The following CSMD1 variants were observed in gnomAD, a reference collection of about 807,000 sequenced individuals.
CSMD1 encodes CUB and Sushi multiple domains 1.
In CSMD1, 213 loss-of-function variants were observed where a neutral mutation model predicts 417.5. The ratio of observed to expected loss-of-function variants is 0.51; its 90% CI spans 0.46 to 0.57. The LOEUF is 0.57. Among genes scored for constraint, CSMD1 ranks in the 20% least tolerant of loss-of-function variants. The probability of loss-of-function intolerance (pLI) is 0.00; values close to 1 mark genes in which losing one functional copy is unlikely to be tolerated. For synonymous variants in CSMD1, 2,862 were observed against 1,736.8 expected (o/e 1.65, Z -16.11); for missense variants, 6,923 against 4,529.7 (o/e 1.53, Z -15.17).
intron 7 of CSMD1, among the ~76,000 whole-genome samples, chr8:3,672,673 C>T (rs958779225): frequency 6.6e-6 from 1 of 152,192 alleles, no homozygotes; most frequent in African/African-American, 2.4e-5. Flanking sequence ...CACTGGGCAT[C>T]TGTTCCCAAG....
At chr8:3,759,381 G>C (rs1797861727) in intron 5 of CSMD1, among the ~76,000 whole-genome samples, 2 of 152,092 alleles carry the variant, frequency 1.3e-5, no homozygotes, top group African/African-American at 4.8e-5. Context: ...ACTGAATCCA[G>C]GCAGTTTAAA....
intron 5 of CSMD1, among the ~76,000 whole-genome samples, chr8:3,988,428 A>C (rs1047355327): frequency 2.6e-5 from 4 of 152,226 alleles, no homozygotes; most frequent in Admixed American, 2.0e-4. Context: ...TGTGTTTGTC[A>C]AATATGTACG....
intron 2 of CSMD1, among the ~76,000 whole-genome samples, chr8:4,550,262 G>C (rs759363017): frequency 4.8e-4 from 72 of 151,506 alleles, no homozygotes; most frequent in Non-Finnish European, 4.1e-4. Flanking sequence ...TTCCATGGTT[G>C]TGGTTTCACG....
At chr8:4,306,008 T>A (rs1340809798) in intron 3 of CSMD1, among the ~76,000 whole-genome samples, 3 of 152,200 alleles carry the variant, frequency 2.0e-5, no homozygotes, top group Non-Finnish European at 4.4e-5. Context: ...TTGTGCAATA[T>A]TATACTCGGT....
intron 3 of CSMD1, among the ~76,000 whole-genome samples, chr8:4,211,827 A>G (rs1800329649): frequency 6.6e-6 from 1 of 152,184 alleles, no homozygotes; most frequent in African/African-American, 2.4e-5. Context: ...ATTTTTCAGT[A>G]GGAGTCTTTG....
rs1193822627 is a variant in CSMD1 at position 3,441,771 on chromosome 8, C to G, written c.1561+26941G>C. ...GGTAACACTTGATAATAATAAGTGACTATGACATTGCTTTATATATTTACT... is the reference window on the plus strand; with the variant it reads ...GGTAACACTTGATAATAATAAGTGAGTATGACATTGCTTTATATATTTACT... On this transcript the variant is annotated intron_variant, in intron 12 of 69. Transcript: ENST00000635120. 2.6e-5 allele frequency among the ~76,000 whole-genome samples: 4 copies of G among 152,168 alleles called. No individual in the cohort carries two copies. In the South Asian group the frequency reaches 6.2e-4, roughly 24 times the overall value.
intron 5 of CSMD1, among the ~76,000 whole-genome samples, chr8:3,871,802 G>T (rs1338004790): frequency 6.6e-6 from 1 of 152,182 alleles, no homozygotes; most frequent in Non-Finnish European, 1.5e-5. Context: ...TTGTTGATGT[G>T]AATGAAGTGT....
chr8:3,298,336 C>T (rs1415136895), intron 25 of CSMD1, among the ~76,000 whole-genome samples: 1 of 152,172 alleles, frequency 6.6e-6, no homozygotes, highest in Non-Finnish European at 1.5e-5. Context: ...CAGAACCATC[C>T]AAATGTCCAT....
intron 3 of CSMD1, among the ~76,000 whole-genome samples, chr8:4,112,996 T>C (rs963588577): frequency 6.6e-6 from 1 of 152,172 alleles, no homozygotes; most frequent in Admixed American, 6.5e-5. Flanking sequence ...TGTTATTATA[T>C]CTGTTATGGT....
At chr8:4,230,179 G>C (rs1801628605) in intron 3 of CSMD1, among the ~76,000 whole-genome samples, 1 of 152,240 alleles carries the variant, frequency 6.6e-6, no homozygotes, top group East Asian at 1.9e-4. Context: ...TTGATATTCT[G>C]AGCCAAATTA....
intron 3 of CSMD1, among the ~76,000 whole-genome samples, chr8:4,247,536 G>C (rs181650054): frequency 6.6e-6 from 1 of 151,994 alleles, no homozygotes; most frequent in Non-Finnish European, 1.5e-5. Context: ...ATTAGTACCC[G>C]AAGAATCAAA....
chr8:4,885,323 C>T (rs1423403708), intron 1 of CSMD1, among the ~76,000 whole-genome samples: 1 of 151,880 alleles, frequency 6.6e-6, no homozygotes, highest in Non-Finnish European at 1.5e-5. Flanking sequence ...GATGCCTTGT[C>T]TTTCATTTTC....
chr8:4,226,772 GA>G (rs1004823628), intron 3 of CSMD1, among the ~76,000 whole-genome samples: 3 of 152,062 alleles, frequency 2.0e-5, no homozygotes, highest in Non-Finnish European at 4.4e-5. Context: ...TTGAATTTAA[GA>G]AAAAAACAAA....
intron 10 of CSMD1, among the ~76,000 whole-genome samples, chr8:3,561,764 TA>T (rs1473446487): frequency 6.6e-6 from 1 of 151,990 alleles, no homozygotes; most frequent in Admixed American, 6.6e-5. Flanking sequence ...ATACCCGCTT[TA>T]AAAAATTTAA....
chr8:3,885,115 T>A (rs1247499115), intron 5 of CSMD1, among the ~76,000 whole-genome samples: 1 of 152,056 alleles, frequency 6.6e-6, no homozygotes, highest in Non-Finnish European at 1.5e-5. Flanking sequence ...GATACATTTG[T>A]CGAAACTGTG....
chr8:4,026,530 A>G (rs192470928), intron 4 of CSMD1, among the ~76,000 whole-genome samples: 117 of 152,348 alleles, frequency 7.7e-4, no homozygotes, highest in African/African-American at 2.7e-3. Context: ...CAAAAAAGCA[A>G]TAAACAATGA....
intron 26 of CSMD1, among the ~76,000 whole-genome samples, chr8:3,242,940 G>T (rs1007697555): frequency 3.9e-5 from 6 of 152,064 alleles, no homozygotes; most frequent in Non-Finnish European, 7.4e-5. Context: ...TCTGAAACGT[G>T]GGTGAACAAT....
chr8:3,422,284 C>T (rs1813543829), intron 12 of CSMD1, among the ~76,000 whole-genome samples: 1 of 152,068 alleles, frequency 6.6e-6, no homozygotes, highest in African/African-American at 2.4e-5. Context: ...ATTCTGGGTA[C>T]CTGATCAATG....
At chr8:3,587,325 G>A (rs1446534015) in intron 8 of CSMD1, among the ~76,000 whole-genome samples, 1 of 152,202 alleles carries the variant, frequency 6.6e-6, no homozygotes, top group Non-Finnish European at 1.5e-5. Context: ...TGAATTAAAT[G>A]TAGGCTTATT....
Sources: allele counts gnomAD v4.1 joint callset (sites outside exome capture counted in the v4.1 genomes callset), GRCh38; gene constraint gnomAD v4.1.1; transcripts MANE v1.5; gene names NCBI Gene and HGNC (gene_info 2026-07-23, HGNC 2026-07-21).